Variants in EGLN2 observed in about 807,000 individuals in gnomAD.
The protein encoded by EGLN2 is egl-9 family hypoxia inducible factor 2.
EGLN2 carries 15 observed loss-of-function variants against 38.2 expected under a neutral mutation model. The observed-to-expected ratio is 0.39, with a 90% CI of 0.26 to 0.60. EGLN2 has a LOEUF of 0.60. Ranked by LOEUF, EGLN2 falls within the 20% of genes least tolerant of loss-of-function variation. EGLN2 has a pLI of 0.50. For missense variants in EGLN2, 492 were observed against 570.4 expected, an observed-to-expected ratio of 0.86 and a Z score of 1.40; for synonymous variants, 284 against 237.4, an observed-to-expected ratio of 1.20 and a Z score of -1.81.
rs755203552 is a variant in EGLN2 at position 40,801,143 on chromosome 19, A to G, written c.571A>G (p.Ile191Val). Residue 191 changes from isoleucine (I) to valine (V), a missense_variant, in exon 2 of 6, where the codon ATC (isoleucine) becomes GTC (valine). Transcript: ENST00000303961. ...CGTGCCCTGCATGCGGTACTACGGCATCTGCGTCAAGGACAGCTTCCTGGG... is the reference window on the plus strand; with the variant it reads ...CGTGCCCTGCATGCGGTACTACGGCGTCTGCGTCAAGGACAGCTTCCTGGG... The part of the protein sequence containing the change: ...YIVPCMRYYG[I>V]CVKDSFLGAA... 8 of 1,612,964 alleles carry G rather than the reference A, an allele frequency of 5.0e-6. No individual in the cohort carries two copies. The highest frequency in any genetic ancestry group is 6.8e-6 in the Non-Finnish European group (8 of 1,179,926).
intron 2 of EGLN2, 180 bp from the exon 3 acceptor site, chr19:40,806,375 T>G (rs1291776014): frequency 8.0e-7 from 1 of 1,256,266 alleles, no homozygotes; most frequent in African/African-American, 1.5e-5. Context: ...TCTGATAGAC[T>G]TGGGGATGGG....
rs2083253811 is a variant in EGLN2, at chr19:40,801,103, G to T, written c.531G>T (p.Leu177=). The T allele has an allele frequency of 1.2e-6, 2 of 1,612,682 alleles. No homozygotes were observed. The highest frequency in any genetic ancestry group is 1.7e-6 in the Non-Finnish European group (2 of 1,179,954). The change falls in exon 2 of 6, where the codon CTG becomes CTT. Residue 177 remains leucine, a synonymous_variant. Transcript: ENST00000303961. ...EEALPSAPER[L]ALDYIVPCMR... ...CGCTGCCCTCTGCGCCCGAGCGCCT[G>T]GCCCTGGACTATATCGTGCCCTGCA... is the stretch of plus-strand genomic sequence containing the variant.
chr19:40,806,968 C>G (rs1255056860), intron 3 of EGLN2, 170 bp from the exon 4 acceptor site: 5 of 1,103,306 alleles, frequency 4.5e-6, no homozygotes, highest in Non-Finnish European at 3.8e-6. Flanking sequence ...TAGCTTCCTG[C>G]CCATCTCCAT....
At chr19:40,805,050 G>C (rs1443428269) in intron 2 of EGLN2, 4 of 152,452 alleles carry the variant, frequency 2.6e-5, no homozygotes, top group African/African-American at 9.7e-5. Flanking sequence ...GATTGAAGCA[G>C]CCCAGTCTGC....
intron 2 of EGLN2, 115 bp downstream of exon 2, chr19:40,801,530 T>A: frequency 6.8e-7 from 1 of 1,461,394 alleles, no homozygotes; most frequent in Non-Finnish European, 9.1e-7. Flanking sequence ...ACAGAAGGTT[T>A]AGGCAGTTCA....
chr19:40,801,651 C>CTTTTTTTTTTT (rs58809253), intron 2 of EGLN2, among the ~76,000 whole-genome samples: 25 of 102,702 alleles, frequency 2.4e-4, no homozygotes, highest in South Asian at 3.7e-4. Flanking sequence ...CACAGTGGTT[C>CTTTTTTTTTTT]TTTTTTTTTT....
chr19:40,800,213 TGGG>T (rs1260906740), intron 1 of EGLN2, 123 bp from the exon 2 acceptor site: 2 of 226,544 alleles, frequency 8.8e-6, no homozygotes, highest in African/African-American at 4.5e-5. Flanking sequence ...CCTCAGGTTT[TGGG>T]GGGCCTCTAT....
chr19:40,807,234 C>A lies in EGLN2; in HGVS notation c.1060C>A (p.Arg354=). ...FDRLLIFWSD[R]RNPHEVKPAY... ...CCGGTTGCTCATTTTCTGGTCTGACCGGCGGAACCCCCACGAGGTGAAGCC... is the reference window on the plus strand; with the variant it reads ...CCGGTTGCTCATTTTCTGGTCTGACAGGCGGAACCCCCACGAGGTGAAGCC... Residue 354 remains arginine, a synonymous_variant, in exon 4 of 6, where the codon CGG becomes AGG. Coordinates refer to ENST00000303961, the MANE Select transcript of EGLN2 (RefSeq NM_080732.4). The A allele has an allele frequency of 6.2e-7, 1 of 1,614,178 alleles. No homozygotes were observed.
At chr19:40,802,636 C>T (rs908563145) in intron 2 of EGLN2, among the ~76,000 whole-genome samples, 4 of 152,236 alleles carry the variant, frequency 2.6e-5, no homozygotes, top group Admixed American at 1.3e-4. Context: ...GCTGCCTGTT[C>T]AGGAACCTGG....
intron 2 of EGLN2, among the ~76,000 whole-genome samples, chr19:40,802,053 C>T (rs943983411): frequency 6.6e-6 from 1 of 152,136 alleles, no homozygotes. Flanking sequence ...TTCACCTGGC[C>T]GTTCTCTGTT....
chr19:40,801,411 C>T lies in EGLN2; in HGVS notation c.839C>T (p.Thr280Ile). The change falls in exon 2 of 6, where the codon ACC becomes ATC. Residue 280 changes from threonine (T) to isoleucine (I), a missense_variant. This residue lies in a region of EGLN2 where 114 missense variants were observed against 184.2 expected (regional missense o/e 0.62). Transcript: ENST00000303961. ...RLGSYVINGR[T>I]KAMVACYPGN... is the part of the protein sequence containing the mutation. ...GGCAGCTATGTCATCAACGGGCGCA[C>T]CAAGGTAAGGCTAGGTGGGGGCCTC... is the stretch of plus-strand genomic sequence containing the variant. 6.2e-7 allele frequency: 1 copy of T among 1,603,112 alleles called. No individual in the cohort carries two copies. Among genetic ancestry groups the T allele is most frequent in the Non-Finnish European group, 8.5e-7 (1 of 1,177,970 alleles).
rs2083248040 is a variant in EGLN2, at chr19:40,800,644, C to A, written c.72C>A (p.Pro24=). 6.2e-7 allele frequency: 1 copy of A among 1,613,886 alleles called. No homozygotes were observed. The highest frequency in any genetic ancestry group is 1.3e-5 in the African/African-American group (1 of 74,942). Residue 24 remains proline (P), a synonymous_variant, in exon 2 of 6, where the codon CCC becomes CCA. Transcript: ENST00000303961. Reference sequence around the variant, plus strand: ...AGTTACCAGGGTCTTCGTCAGAGCCCTTGGAGCCTGAGCCTGGCCGGGCCA... The same window carrying A: ...AGTTACCAGGGTCTTCGTCAGAGCCATTGGAGCCTGAGCCTGGCCGGGCCA... ...LPQLPGSSSE[P]LEPEPGRARM...
rs1300676366 is a variant in EGLN2 at position 40,806,615 on chromosome 19, C to A, written c.904C>A (p.His302Asn). The change falls in exon 3 of 6, where the codon CAC (histidine) becomes AAC (asparagine). Residue 302 changes from histidine to asparagine, a missense_variant. Transcript: ENST00000303961. Reference sequence around the variant, plus strand: ...GTACGTAAGGCACGTTGACAATCCCCACGGCGATGGGCGCTGCATCACCTG... The same window carrying A: ...GTACGTAAGGCACGTTGACAATCCCAACGGCGATGGGCGCTGCATCACCTG... ...LGYVRHVDNPHGDGRCITCIY... is the reference protein window; with the variant it reads ...LGYVRHVDNPNGDGRCITCIY... The A allele has an allele frequency of 6.2e-7, 1 of 1,614,132 alleles. No individual in the cohort carries two copies. Among genetic ancestry groups the A allele is most frequent in the South Asian group, 1.1e-5 (1 of 91,080 alleles).
intron 2 of EGLN2, among the ~76,000 whole-genome samples, chr19:40,802,147 T>C (rs2083266207): frequency 6.6e-6 from 1 of 152,184 alleles, no homozygotes; most frequent in Non-Finnish European, 1.5e-5. Context: ...CCATCCATCC[T>C]GTCTCCAAGG....
rs1447459512 is a variant in EGLN2 at position 40,806,683 on chromosome 19, G to C, written c.963+9G>C. On this transcript the variant is annotated intron_variant, in intron 3 of 5. Transcript: ENST00000303961. ...AGAACTGGGACGTTAAGGTAGGGGTGAGGGTGAGGGTGAGGGTGGCGCTGG... is the reference window on the plus strand; with the variant it reads ...AGAACTGGGACGTTAAGGTAGGGGTCAGGGTGAGGGTGAGGGTGGCGCTGG... The C allele has an allele frequency of 6.2e-7, 1 of 1,612,040 alleles. No individual in the cohort carries two copies. The highest frequency in any genetic ancestry group is 2.2e-5 in the East Asian group (1 of 44,804).
chr19:40,801,935 C>G (rs1225858509), intron 2 of EGLN2, among the ~76,000 whole-genome samples: 1 of 152,050 alleles, frequency 6.6e-6, no homozygotes, highest in Non-Finnish European at 1.5e-5. Flanking sequence ...CCCTCTTAAA[C>G]TCATGAGAGC....
chr19:40,806,874 A>AC lies in EGLN2; in HGVS notation c.963+201dup, dbSNP rs1275532908. 5.1e-5 allele frequency: 47 copies of AC among 923,696 alleles called. No individual in the cohort carries two copies. The African/African-American group carries it at 7.8e-4, about 15-fold the overall frequency. 57.2% of individuals were successfully genotyped at this position (923,696 alleles called of 1,614,324 possible). A position where few individuals can be genotyped will look rare whatever the true frequency, so the allele number is the denominator to read the frequency against. On this transcript the variant is annotated intron_variant, in intron 3 of 5. Coordinates refer to ENST00000303961, the MANE Select transcript of EGLN2 (RefSeq NM_080732.4). ...CTCTCTAGCGGACTGTGTGGTGGGA[A>AC]CTCCCCTCTTTCCGGGAATGGTGCT... is the stretch of plus-strand genomic sequence containing the variant.
chr19:40,807,995 CTCTG>C lies in EGLN2; in HGVS notation c.*137_*140del. On this transcript the variant is annotated 3_prime_UTR_variant, in exon 6 of 6. Transcript: ENST00000303961. The stretch of plus-strand genomic sequence containing the variant: ...CCTCTGTCCTGCCTGGTGTGGAGGG[CTCTG>C]TCTGTTGCTGAGGACCAAGGAGGAG... 3 of 888,792 alleles carry C rather than the reference CTCTG, an allele frequency of 3.4e-6. No individual in the cohort carries two copies. The highest frequency in any genetic ancestry group is 5.3e-6 in the Non-Finnish European group (3 of 567,906). 55.1% of individuals were successfully genotyped at this position (888,792 alleles called of 1,614,324 possible).
Position 40,807,945 on chromosome 19 carries a change from G to C in EGLN2, c.*81G>C. 1 of 1,359,182 alleles carries C rather than the reference G, an allele frequency of 7.4e-7. No individual in the cohort carries two copies. Among genetic ancestry groups the C allele is most frequent in the Non-Finnish European group, 1.0e-6 (1 of 964,370 alleles). 84.2% of individuals were successfully genotyped at this position (1,359,182 alleles called of 1,614,324 possible). A position where few individuals can be genotyped will look rare whatever the true frequency, so the allele number is the denominator to read the frequency against. ...GGCCTGTGCTGGCTGCTCCTTCCCTGCCACCGCTGCTGCTTCTGACTTTGC... is the reference window on the plus strand; with the variant it reads ...GGCCTGTGCTGGCTGCTCCTTCCCTCCCACCGCTGCTGCTTCTGACTTTGC... On this transcript the variant is annotated 3_prime_UTR_variant, in exon 6 of 6. Transcript: ENST00000303961.
Sources: allele counts gnomAD v4.1 joint callset (sites outside exome capture counted in the v4.1 genomes callset), GRCh38; gene constraint gnomAD v4.1.1; regional missense constraint gnomAD v4.1.1; transcripts MANE v1.5; gene names NCBI Gene and HGNC (gene_info 2026-07-23, HGNC 2026-07-21).